The following GET1 variants were observed in gnomAD, a reference collection of about 807,000 sequenced individuals.
The protein encoded by GET1 is guided entry of tail-anchored proteins factor 1.
A neutral mutation model predicts 22.6 loss-of-function variants in GET1; 20 were observed. That is an observed-to-expected ratio of 0.89 (90% CI 0.62 to 1.29). GET1 has a LOEUF of 1.29. GET1 is among the 50% of genes most tolerant of loss of function. The probability of loss-of-function intolerance (pLI) is 0.00; values close to 1 mark genes in which losing one functional copy is unlikely to be tolerated. For missense variants in GET1, 209 were observed against 219.9 expected, an observed-to-expected ratio of 0.95 and a Z score of 0.31; for synonymous variants, 92 against 83.8, an observed-to-expected ratio of 1.10 and a Z score of -0.53.
At chr21:39,412,218 G>A (rs367978499) in intron 1 of GET1, among the ~76,000 whole-genome samples, 3 of 152,178 alleles carry the variant, frequency 2.0e-5, no homozygotes, top group East Asian at 3.9e-4. Context: ...CAGCAGCTGT[G>A]TGTGACTAGT....
intron 1 of GET1, chr21:39,420,604 G>A: frequency 1.2e-6 from 1 of 848,824 alleles, no homozygotes; most frequent in South Asian, 1.8e-5. Flanking sequence ...CCTTATATAT[G>A]TATGTAAAAT....
chr21:39,421,258 T>C (rs187137634), intron 1 of GET1, among the ~76,000 whole-genome samples: 19 of 152,236 alleles, frequency 1.2e-4, no homozygotes, highest in Admixed American at 5.9e-4. Context: ...CACACCACCA[T>C]GCCTGGATAA....
At chr21:39,426,808 A>G (rs114808152) in intron 1 of GET1, among the ~76,000 whole-genome samples, 2,124 of 152,280 alleles carry the variant, frequency 0.014, 42 homozygotes, top group African/African-American at 0.046. Flanking sequence ...GGCATGAGAG[A>G]AGTACTGGAC....
chr21:39,426,025 C>G (rs1008865445), intron 1 of GET1: 1 of 152,256 alleles, frequency 6.6e-6, no homozygotes, highest in Non-Finnish European at 1.5e-5. Context: ...ATGGCTTGGA[C>G]AAGGAACATG....
chr21:39,395,706 T>C (rs551458288), intron 4 of GET1, among the ~76,000 whole-genome samples: 25 of 152,070 alleles, frequency 1.6e-4, no homozygotes, highest in Admixed American at 7.2e-4. Flanking sequence ...CTACCACCCC[T>C]GTCCCCTTCC....
chr21:39,382,107 T>G (rs1438199972), intron 1 of GET1, among the ~76,000 whole-genome samples: 1 of 150,766 alleles, frequency 6.6e-6, no homozygotes, highest in Non-Finnish European at 1.5e-5. Context: ...TATGTAGGAG[T>G]GCAGTGGCCT....
At chr21:39,402,241 T>C (rs574746729), downstream of GET1, among the ~76,000 whole-genome samples, 3 of 152,176 alleles carry the variant, frequency 2.0e-5, no homozygotes, top group South Asian at 2.1e-4. Context: ...GTAGCTGGGA[T>C]TACAGGCGTG....
intron 1 of GET1, among the ~76,000 whole-genome samples, chr21:39,384,723 C>T (rs978367260): frequency 1.3e-5 from 2 of 152,078 alleles, no homozygotes; most frequent in Admixed American, 6.6e-5. Context: ...CTCCCTCCCA[C>T]CCCCTATCCT....
intron 4 of GET1, among the ~76,000 whole-genome samples, chr21:39,394,280 C>T (rs182859466): frequency 1.3e-5 from 2 of 152,184 alleles, no homozygotes; most frequent in African/African-American, 4.8e-5. Flanking sequence ...GCTGAGATCA[C>T]GCCAGTGTAC....
At chr21:39,427,940 G>A (rs146851014) in intron 1 of GET1, 5,236 of 336,006 alleles carry the variant, frequency 0.016, 77 homozygotes, top group Non-Finnish European at 0.022. Context: ...GTAGGCTCCA[G>A]TAGGGTAAGC....
At chr21:39,412,798 G>A (rs369185067) in intron 1 of GET1, among the ~76,000 whole-genome samples, 1 of 152,260 alleles carries the variant, frequency 6.6e-6, no homozygotes, top group East Asian at 1.9e-4. Context: ...CTCCCCCGCC[G>A]CCCCATTCAT....
chr21:39,419,856 G>A (rs1447654375), intron 1 of GET1, among the ~76,000 whole-genome samples: 1 of 152,056 alleles, frequency 6.6e-6, no homozygotes, highest in Non-Finnish European at 1.5e-5. Context: ...AATCTTGAAG[G>A]CAGAAAGATA....
At chr21:39,408,530 A>C (rs1284203452), downstream of GET1, 17 of 152,352 alleles carry the variant, frequency 1.1e-4, no homozygotes, top group Non-Finnish European at 2.9e-5. Context: ...CAGGTCCCAA[A>C]CACCAGGTGA....
At chr21:39,402,576 T>G (rs567978989), downstream of GET1, among the ~76,000 whole-genome samples, 8 of 152,216 alleles carry the variant, frequency 5.3e-5, no homozygotes. Flanking sequence ...AAGCTTACTT[T>G]AGTGCTTTGC....
At chr21:39,384,381 C>T (rs981755689) in intron 1 of GET1, among the ~76,000 whole-genome samples, 4 of 151,800 alleles carry the variant, frequency 2.6e-5, no homozygotes, top group South Asian at 2.1e-4. Context: ...CTTAGCCTCC[C>T]GAGTAGCTGG....
chr21:39,409,583 C>T (rs143409059), downstream of GET1, among the ~76,000 whole-genome samples: 186 of 151,916 alleles, frequency 1.2e-3, no homozygotes, highest in South Asian at 6.2e-3. The surrounding 1 kb of genome is among the most constrained non-coding windows in gnomAD (Gnocchi z 4.2). Flanking sequence ...ATTCTGGAAA[C>T]GGTTTTATGT....
At chr21:39,414,742 C>CTCTCTCTGTGTGTGTG (rs1341489035) in intron 1 of GET1, among the ~76,000 whole-genome samples, 19 of 99,230 alleles carry the variant, frequency 1.9e-4, no homozygotes, top group African/African-American at 7.9e-4. Context: ...CTCTCTCTCT[C>CTCTCTCTGTGTGTGTG]TGTGTGTGTG....
At chr21:39,390,603 A>G in intron 1 of GET1, 95 bp from the exon 2 acceptor site, 1 of 1,497,778 alleles carries the variant, frequency 6.7e-7, no homozygotes, top group Non-Finnish European at 9.0e-7. Context: ...TGGGTCACAG[A>G]GTGGTCAGGG....
intron 1 of GET1, chr21:39,386,659 A>G (rs930595622): frequency 7.2e-5 from 11 of 152,214 alleles, no homozygotes; most frequent in Admixed American, 2.0e-4. Flanking sequence ...GGCAGGGACT[A>G]GCACGGGGTG....
Sources: allele counts gnomAD v4.1 joint callset (sites outside exome capture counted in the v4.1 genomes callset), GRCh38; gene constraint gnomAD v4.1.1; non-coding constraint Gnocchi (gnomAD v3.1); transcripts MANE v1.5; gene names NCBI Gene and HGNC (gene_info 2026-07-23, HGNC 2026-07-21).